The following SLC25A48 variants were observed in gnomAD, a reference collection of about 807,000 sequenced individuals.
SLC25A48 encodes the protein CTC-321K16.1.
A neutral mutation model predicts 32.2 loss-of-function variants in SLC25A48; 29 were observed. That is an observed-to-expected ratio of 0.90 (90% CI 0.67 to 1.23). SLC25A48 has a LOEUF of 1.23. Among genes scored for constraint, SLC25A48 ranks in the 50% most tolerant of loss-of-function variants. The probability of loss-of-function intolerance (pLI) is 0.00; values close to 1 mark genes in which losing one functional copy is unlikely to be tolerated. For missense variants in SLC25A48, 399 were observed against 422.7 expected (o/e 0.94, Z 0.49); for synonymous variants, 164 against 172.3 (o/e 0.95, Z 0.38).
intron 1 of SLC25A48, among the ~76,000 whole-genome samples, chr5:135,624,781 G>A (rs193241548): frequency 6.6e-6 from 1 of 152,184 alleles, no homozygotes; most frequent in Non-Finnish European, 1.5e-5. Context: ...GGCTGGTGTG[G>A]CTGGCTTGGC....
chr5:135,693,261 A>G (rs1158085402), intron 3 of SLC25A48, among the ~76,000 whole-genome samples: 3 of 152,156 alleles, frequency 2.0e-5, no homozygotes, highest in African/African-American at 7.2e-5. Flanking sequence ...TGACAAGAAG[A>G]CTCTGGGTTG....
intron 4 of SLC25A48, among the ~76,000 whole-genome samples, chr5:135,866,109 G>T (rs1362418164): frequency 6.6e-6 from 1 of 152,170 alleles, no homozygotes; most frequent in South Asian, 2.1e-4. Context: ...GACCCATAGG[G>T]CCTCATTTGT....
chr5:135,587,213 G>A (rs1324781484), intron 1 of SLC25A48, among the ~76,000 whole-genome samples: 2 of 152,046 alleles, frequency 1.3e-5, no homozygotes, highest in Non-Finnish European at 2.9e-5. Flanking sequence ...AAATTTTCTT[G>A]TAGAGACGGG....
chr5:135,741,803 A>C (rs995391422), intron 3 of SLC25A48, among the ~76,000 whole-genome samples: 1 of 152,196 alleles, frequency 6.6e-6, no homozygotes, highest in Non-Finnish European at 1.5e-5. Flanking sequence ...AAATCAGGAG[A>C]TGGGCTGGAT....
chr5:135,764,953 G>A (rs963981125), intron 3 of SLC25A48, among the ~76,000 whole-genome samples: 3 of 151,616 alleles, frequency 2.0e-5, no homozygotes, highest in Admixed American at 6.6e-5. Flanking sequence ...CCCATATCAC[G>A]GGACGTGTAC....
At chr5:135,683,354 C>G (rs1487813537) in intron 3 of SLC25A48, among the ~76,000 whole-genome samples, 1 of 152,148 alleles carries the variant, frequency 6.6e-6, no homozygotes, top group Non-Finnish European at 1.5e-5. Context: ...TTATTGGGCC[C>G]CCAGGATCTG....
At chr5:135,613,214 A>G (rs891077904) in intron 1 of SLC25A48, among the ~76,000 whole-genome samples, 1 of 151,898 alleles carries the variant, frequency 6.6e-6, no homozygotes, top group Non-Finnish European at 1.5e-5. Flanking sequence ...GTCTATTTGT[A>G]TTTTTTTGAG....
intron 4 of SLC25A48, chr5:135,825,854 C>T (rs1173219750): frequency 6.6e-6 from 1 of 152,260 alleles, no homozygotes; most frequent in Non-Finnish European, 1.5e-5. Flanking sequence ...CCCTGGGCCT[C>T]CTGCCTTTCC....
At chr5:135,655,582 C>T (rs771383170) in intron 3 of SLC25A48, among the ~76,000 whole-genome samples, 9 of 152,294 alleles carry the variant, frequency 5.9e-5, no homozygotes, top group South Asian at 2.1e-4. Flanking sequence ...GCCCATAGTA[C>T]GCTCTACATC....
At chr5:135,873,521 C>T (rs914345080) in intron 5 of SLC25A48, among the ~76,000 whole-genome samples, 10 of 152,198 alleles carry the variant, frequency 6.6e-5, no homozygotes, top group African/African-American at 2.4e-4. Flanking sequence ...GCCTGTCTGC[C>T]TGTGTTTGTT....
At chr5:135,754,011 C>T (rs1486281099) in intron 3 of SLC25A48, among the ~76,000 whole-genome samples, 1 of 150,754 alleles carries the variant, frequency 6.6e-6, no homozygotes, top group Non-Finnish European at 1.5e-5. Flanking sequence ...ACAGGCTGTA[C>T]ACCCACTGTT....
intron 3 of SLC25A48, among the ~76,000 whole-genome samples, chr5:135,786,176 A>G (rs1040332648): frequency 6.7e-5 from 10 of 148,454 alleles, no homozygotes; most frequent in Non-Finnish European, 4.5e-5. Flanking sequence ...GGGAGACGGT[A>G]CTATTACTCC....
chr5:135,834,918 C>A, intron 1 of SLC25A48, 25 bp downstream of exon 1: 5 of 1,596,198 alleles, frequency 3.1e-6, no homozygotes, highest in Admixed American at 1.7e-5. Context: ...CGGGGACCCC[C>A]GGTCAGAGAG....
chr5:135,654,307 C>T (rs1393461894), intron 3 of SLC25A48, among the ~76,000 whole-genome samples: 5 of 152,136 alleles, frequency 3.3e-5, no homozygotes, highest in Admixed American at 6.5e-5. Context: ...TGCAACCAGC[C>T]GTAGCTAAGG....
At position 135,871,583 on chromosome 5, in the gene SLC25A48, A is replaced by T; in HGVS notation, c.544A>T (p.Ser182Cys). 1 of 1,614,206 alleles carries T rather than the reference A, an allele frequency of 6.2e-7. No homozygotes were observed. Among genetic ancestry groups the T allele is most frequent in the South Asian group, 1.1e-5 (1 of 91,088 alleles). Residue 182 changes from serine to cysteine, a missense_variant, in exon 5 of 8, where the codon AGT becomes TGT. Coordinates refer to ENST00000681962, the MANE Select transcript of SLC25A48 (RefSeq NM_001349336.2). The part of the protein sequence containing the change: ...EGLAGLYRGA[S>C]AMLLRDVPGY... ...CCTGGCGGGGCTATACCGGGGGGCC[A>T]GTGCCATGCTGCTGAGGGATGTCCC...
intron 3 of SLC25A48, among the ~76,000 whole-genome samples, chr5:135,692,282 G>A (rs973859841): frequency 2.1e-5 from 3 of 143,886 alleles, no homozygotes; most frequent in Non-Finnish European, 4.5e-5. Context: ...TCACACCACT[G>A]CACTCCAGCC....
chr5:135,787,747 A>G (rs1184518309), intron 3 of SLC25A48, among the ~76,000 whole-genome samples: 1 of 151,900 alleles, frequency 6.6e-6, no homozygotes, highest in Non-Finnish European at 1.5e-5. Context: ...CTAATGTCAC[A>G]GGAGGTGTAC....
chr5:135,650,705 G>A (rs1289676218), intron 3 of SLC25A48, among the ~76,000 whole-genome samples: 3 of 152,116 alleles, frequency 2.0e-5, no homozygotes, highest in African/African-American at 4.8e-5. Flanking sequence ...GTTTTTTAAC[G>A]GTGGTTTGCT....
At chr5:135,771,620 AG>A (rs1349112722) in intron 3 of SLC25A48, among the ~76,000 whole-genome samples, 3 of 151,622 alleles carry the variant, frequency 2.0e-5, no homozygotes, top group African/African-American at 7.3e-5. Flanking sequence ...TTTGTATCAC[AG>A]GGGGTGTACA....
Sources: allele counts gnomAD v4.1 joint callset (sites outside exome capture counted in the v4.1 genomes callset), GRCh38; gene constraint gnomAD v4.1.1; transcripts MANE v1.5; gene names NCBI Gene and HGNC (gene_info 2026-07-23, HGNC 2026-07-21).